The following NRP1 variants were observed in gnomAD, a reference collection of about 807,000 sequenced individuals.
NRP1 encodes neuropilin-1.
NRP1 carries 35 observed loss-of-function variants against 106.7 expected under a neutral mutation model. The observed-to-expected ratio is 0.33, with a 90% CI of 0.25 to 0.43. The LOEUF (loss-of-function observed/expected upper bound fraction) is 0.43, where lower values mean the gene tolerates loss of function less well. Among genes scored for constraint, NRP1 ranks in the 20% least tolerant of loss-of-function variants. The pLI is 1.00. For synonymous variants in NRP1, 437 were observed against 417.9 expected, an observed-to-expected ratio of 1.05 and a Z score of -0.56; for missense variants, 1,024 against 1,170.4, an observed-to-expected ratio of 0.87 and a Z score of 1.83.
intron 2 of NRP1, among the ~76,000 whole-genome samples, chr10:33,291,312 T>C (rs1398561535): frequency 6.6e-6 from 1 of 152,212 alleles, no homozygotes; most frequent in Non-Finnish European, 1.5e-5. Context: ...TAATTTAACT[T>C]GCCCAATCCC....
chr10:33,240,877 C>G (rs1460906250), intron 6 of NRP1, among the ~76,000 whole-genome samples: 1 of 152,188 alleles, frequency 6.6e-6, no homozygotes, highest in Non-Finnish European at 1.5e-5. Flanking sequence ...CAGTTAGTCT[C>G]TGAAGGAATG....
At chr10:33,287,021 A>G (rs961857710) in intron 2 of NRP1, among the ~76,000 whole-genome samples, 3 of 152,174 alleles carry the variant, frequency 2.0e-5, no homozygotes, top group Non-Finnish European at 2.9e-5. Flanking sequence ...ATAAATTTTA[A>G]ATTTAAAATA....
intron 2 of NRP1, among the ~76,000 whole-genome samples, chr10:33,281,005 A>T (rs1043803231): frequency 2.6e-5 from 4 of 151,492 alleles, no homozygotes; most frequent in Admixed American, 6.6e-5. Context: ...AAAGAAAAAG[A>T]AATAAAGAAT....
intron 2 of NRP1, among the ~76,000 whole-genome samples, chr10:33,318,412 C>G (rs1847192214): frequency 6.6e-6 from 1 of 152,166 alleles, no homozygotes; most frequent in African/African-American, 2.4e-5. Flanking sequence ...GAGCTGCTAA[C>G]AGGATCCCCT....
At chr10:33,235,871 C>A (rs537302303) in intron 6 of NRP1, among the ~76,000 whole-genome samples, 1 of 152,324 alleles carries the variant, frequency 6.6e-6, no homozygotes. Flanking sequence ...AAGACATACG[C>A]CGACCTGTGA....
chr10:33,286,485 G>A (rs1396571422), intron 2 of NRP1, among the ~76,000 whole-genome samples: 4 of 152,148 alleles, frequency 2.6e-5, no homozygotes, highest in African/African-American at 9.7e-5. Flanking sequence ...TGAGAATGAA[G>A]ATAATCCCAT....
intron 10 of NRP1, chr10:33,206,106 T>G: frequency 2.2e-6 from 1 of 463,220 alleles, no homozygotes; most frequent in South Asian, 1.6e-5. Flanking sequence ...GCAAGCGTGC[T>G]TTCAAAACTG....
intron 10 of NRP1, chr10:33,206,408 T>C: frequency 2.1e-6 from 1 of 484,684 alleles, no homozygotes; most frequent in Non-Finnish European, 4.1e-6. Flanking sequence ...AACCACACGG[T>C]GAAGAATAGG....
rs528674144 is a variant in NRP1 at position 33,205,027 on chromosome 10, C to T, written c.1760-2032G>A. Reference sequence around the variant, plus strand: ...GATTACAGGCATGAGCCACCACACCCGGCCTGTGGTTGTTTATTTCTTAAA... The same window carrying T: ...GATTACAGGCATGAGCCACCACACCTGGCCTGTGGTTGTTTATTTCTTAAA... On this transcript the variant is annotated intron_variant, in intron 10 of 16. Coordinates refer to ENST00000374867, the MANE Select transcript of NRP1 (RefSeq NM_003873.7). 3.3e-5 allele frequency among the ~76,000 whole-genome samples: 5 copies of T among 152,312 alleles called. No individual in the cohort carries two copies. In the East Asian group the frequency reaches 5.8e-4, roughly 18 times the overall value.
intron 2 of NRP1, among the ~76,000 whole-genome samples, chr10:33,298,029 A>G (rs530433706): frequency 6.6e-6 from 1 of 152,270 alleles, no homozygotes; most frequent in Non-Finnish European, 1.5e-5. Flanking sequence ...TTATCCTGTT[A>G]ATCTTGCTCA....
rs531657745 is a variant in NRP1 at position 33,224,612 on chromosome 10, A to G, written c.1137+1522T>C. ...CCTGTGCAGGATGTATAGGTTTGTT[A>G]CACAGGTAACTGTGTGCCAAGGTGG... On this transcript the variant is annotated intron_variant, in intron 7 of 16. Coordinates refer to ENST00000374867, the MANE Select transcript of NRP1 (RefSeq NM_003873.7). Among the ~76,000 whole-genome samples, 3 of 146,714 alleles carry G rather than the reference A, an allele frequency of 2.0e-5. No individual in the cohort carries two copies. The Admixed American group carries it at 2.1e-4, about 10-fold the overall frequency.
At chr10:33,232,638 C>CTTTTTTTTTTTT (rs71030049) in intron 6 of NRP1, among the ~76,000 whole-genome samples, 15 of 94,202 alleles carry the variant, frequency 1.6e-4, no homozygotes, top group Non-Finnish European at 1.8e-4. Context: ...TTTTCTTTTC[C>CTTTTTTTTTTTT]TTTTTTTTTT....
chr10:33,254,025 T>C lies in NRP1; in HGVS notation c.981+3A>G. The C allele has an allele frequency of 6.2e-7, 1 of 1,603,864 alleles. No individual in the cohort carries two copies. The highest frequency in any genetic ancestry group is 1.1e-5 in the South Asian group (1 of 89,090). ...TAGATAGGCTTGATCTTATGCTGCATACCTGTATCCACTCTCGGTAGGAAT... is the reference window on the plus strand; with the variant it reads ...TAGATAGGCTTGATCTTATGCTGCACACCTGTATCCACTCTCGGTAGGAAT... On this transcript the variant is annotated splice_donor_region_variant and intron_variant, in intron 6 of 16. Coordinates refer to ENST00000374867, the MANE Select transcript of NRP1 (RefSeq NM_003873.7).
intron 12 of NRP1, among the ~76,000 whole-genome samples, chr10:33,192,827 T>C (rs1462864120): frequency 2.0e-5 from 3 of 152,206 alleles, no homozygotes; most frequent in African/African-American, 7.2e-5. Context: ...AGAATCTTAA[T>C]TAGAGATTGA....
chr10:33,217,149 T>A (rs2269102), intron 8 of NRP1, among the ~76,000 whole-genome samples: 1 of 152,072 alleles, frequency 6.6e-6, no homozygotes, highest in Non-Finnish European at 1.5e-5. Flanking sequence ...AGAAAGGCAA[T>A]GTTTAGCTGG....
intron 4 of NRP1, among the ~76,000 whole-genome samples, chr10:33,256,674 G>GT (rs1443809217): frequency 6.6e-6 from 1 of 152,244 alleles, no homozygotes; most frequent in Non-Finnish European, 1.5e-5. Flanking sequence ...CAGAAGGGCA[G>GT]TAACAGGCAT....
chr10:33,321,369 G>A (rs1441046639), intron 2 of NRP1, among the ~76,000 whole-genome samples: 1 of 152,082 alleles, frequency 6.6e-6, no homozygotes, highest in Non-Finnish European at 1.5e-5. Flanking sequence ...CACTTTATTG[G>A]AGAATAAAAA....
chr10:33,257,029 A>G (rs1396638056), intron 4 of NRP1, among the ~76,000 whole-genome samples: 1 of 152,192 alleles, frequency 6.6e-6, no homozygotes, highest in Admixed American at 6.5e-5. Context: ...GATAAACATA[A>G]CAGGCTTGGA....
intron 13 of NRP1, among the ~76,000 whole-genome samples, chr10:33,187,306 G>A (rs1402425285): frequency 2.0e-5 from 3 of 152,178 alleles, no homozygotes; most frequent in Non-Finnish European, 4.4e-5. Context: ...TGAAATTTCT[G>A]TCACTATGAC....
Sources: gnomAD v4.1 joint callset for allele counts (sites outside exome capture counted in the v4.1 genomes callset) on GRCh38, gnomAD v4.1.1 for gene constraint, MANE v1.5 for transcripts, NCBI Gene and HGNC (gene_info 2026-07-23, HGNC 2026-07-21) for gene names.